KCNJ6: variants seen among roughly 807,000 people sequenced by gnomAD.
KCNJ6 encodes G protein-activated inward rectifier potassium channel 2.
A neutral mutation model predicts 34.2 loss-of-function variants in KCNJ6; 9 were observed. That is an observed-to-expected ratio of 0.26 (90% CI 0.16 to 0.46). The LOEUF (loss-of-function observed/expected upper bound fraction) is 0.46. Among genes scored for constraint, KCNJ6 ranks in the 20% least tolerant of loss-of-function variants. The pLI is 1.00. For missense variants in KCNJ6, 236 were observed against 531.3 expected (o/e 0.44, Z 5.46); for synonymous variants, 196 against 207.1 (o/e 0.95, Z 0.46).
intron 1 of KCNJ6, among the ~76,000 whole-genome samples, chr21:37,879,028 T>C (rs534584857): frequency 6.6e-6 from 1 of 152,188 alleles, no homozygotes; most frequent in African/African-American, 2.4e-5. Context: ...TCAGGGAGGT[T>C]TGTAAAGGAG....
intron 2 of KCNJ6, among the ~76,000 whole-genome samples, chr21:37,769,290 C>A (rs139681873): frequency 6.6e-6 from 1 of 152,150 alleles, no homozygotes; most frequent in African/African-American, 2.4e-5. Flanking sequence ...TGTATGCCAG[C>A]CTCTGAACAT....
At chr21:37,680,949 C>T (rs1038006519) in intron 3 of KCNJ6, among the ~76,000 whole-genome samples, 9 of 152,222 alleles carry the variant, frequency 5.9e-5, no homozygotes, top group African/African-American at 2.2e-4. Context: ...CCTCCTGGCG[C>T]TTCTTTAACC....
At chr21:37,825,012 T>G (rs1392557951) in intron 2 of KCNJ6, among the ~76,000 whole-genome samples, 1 of 152,166 alleles carries the variant, frequency 6.6e-6, no homozygotes, top group African/African-American at 2.4e-5. Context: ...CTGTTCTGTC[T>G]GCATGCCAAC....
rs545740781 is a variant in KCNJ6 at position 37,613,056 on chromosome 21, T to G, written c.*12103A>C. On this transcript the variant is annotated 3_prime_UTR_variant, in exon 4 of 4. Coordinates refer to ENST00000609713, the MANE Select transcript of KCNJ6 (RefSeq NM_002240.5). Reference sequence around the variant, plus strand: ...AGAAGACACATCTGATAAAGAATTATTATCTAAAATTTACAAAGAACTTTA... The same window carrying G: ...AGAAGACACATCTGATAAAGAATTAGTATCTAAAATTTACAAAGAACTTTA... The G allele has an allele frequency of 1.1e-4, 17 of 152,214 alleles. No individual in the cohort carries two copies. The highest frequency in any genetic ancestry group is 3.9e-4 in the African/African-American group (16 of 41,548). 9.4% of individuals were successfully genotyped at this position (152,214 alleles called of 1,614,324 possible).
In KCNJ6 at chr21:37,780,970, T is replaced by C. The variant is rs117603362; in HGVS notation, c.25+59688A>G. On this transcript the variant is annotated intron_variant, in intron 2 of 3. Transcript: ENST00000609713. Reference sequence around the variant, plus strand: ...GAAAGAAATAACAAACATGGCCTATTTGCCTCATGTTCCAACAAAGGGTCT... The same window carrying C: ...GAAAGAAATAACAAACATGGCCTATCTGCCTCATGTTCCAACAAAGGGTCT... 6.9e-3 allele frequency among the ~76,000 whole-genome samples: 1,047 copies of C among 152,336 alleles called. 6 individuals carry two copies. The highest frequency in any genetic ancestry group is 0.012 in the Non-Finnish European group (788 of 68,040).
intron 1 of KCNJ6, among the ~76,000 whole-genome samples, chr21:37,847,926 G>A (rs181056712): frequency 1.3e-5 from 2 of 152,208 alleles, no homozygotes; most frequent in Non-Finnish European, 2.9e-5. Flanking sequence ...TGGGAGAGGG[G>A]AGGGCAAGGA....
At chr21:37,805,761 G>A (rs1270264918) in intron 2 of KCNJ6, among the ~76,000 whole-genome samples, 2 of 152,206 alleles carry the variant, frequency 1.3e-5, no homozygotes, top group African/African-American at 2.4e-5. Flanking sequence ...GGATGATAAT[G>A]TGAAGACACA....
At chr21:37,856,282 G>T (rs750477763) in intron 1 of KCNJ6, among the ~76,000 whole-genome samples, 13 of 152,226 alleles carry the variant, frequency 8.5e-5, no homozygotes, top group Non-Finnish European at 1.5e-4. Flanking sequence ...GATGGGAGAA[G>T]AATTACTGTG....
chr21:37,693,091 C>T (rs2054647470), intron 3 of KCNJ6, among the ~76,000 whole-genome samples: 1 of 152,140 alleles, frequency 6.6e-6, no homozygotes, highest in Non-Finnish European at 1.5e-5. Flanking sequence ...GGAAACATCC[C>T]TCTATTTTGA....
chr21:37,867,675 A>T (rs1166031895), intron 1 of KCNJ6, among the ~76,000 whole-genome samples: 1 of 152,242 alleles, frequency 6.6e-6, no homozygotes, highest in African/African-American at 2.4e-5. Flanking sequence ...TACCTTGCAA[A>T]GAGTGATGTC....
intron 2 of KCNJ6, among the ~76,000 whole-genome samples, chr21:37,719,846 G>A (rs1228918950): frequency 2.0e-5 from 3 of 152,212 alleles, no homozygotes; most frequent in Non-Finnish European, 4.4e-5. Flanking sequence ...TGCATTTCAG[G>A]TACAGCTCTT....
intron 2 of KCNJ6, among the ~76,000 whole-genome samples, chr21:37,787,530 A>G (rs1476291777): frequency 6.6e-6 from 1 of 152,222 alleles, no homozygotes; most frequent in African/African-American, 2.4e-5. Context: ...ACAGTCTTCT[A>G]CATTCTAAGC....
chr21:37,888,519 G>C (rs952759990), intron 1 of KCNJ6, among the ~76,000 whole-genome samples: 5 of 152,180 alleles, frequency 3.3e-5, no homozygotes, highest in African/African-American at 1.2e-4. Flanking sequence ...TAAAGATTTG[G>C]AAAGAAGATA....
chr21:37,751,888 C>A (rs964330413), intron 2 of KCNJ6, among the ~76,000 whole-genome samples: 7 of 152,052 alleles, frequency 4.6e-5, no homozygotes, highest in Admixed American at 4.6e-4. Flanking sequence ...TATGATAATT[C>A]CTCAATGCAT....
At chr21:37,802,907 G>A (rs2055276013) in intron 2 of KCNJ6, among the ~76,000 whole-genome samples, 1 of 152,020 alleles carries the variant, frequency 6.6e-6, no homozygotes, top group Non-Finnish European at 1.5e-5. Context: ...AGCACTGCAG[G>A]TATAAATAAA....
At chr21:37,639,024 T>C (rs1054360589) in intron 3 of KCNJ6, among the ~76,000 whole-genome samples, 2 of 152,334 alleles carry the variant, frequency 1.3e-5, no homozygotes, top group South Asian at 4.1e-4. Flanking sequence ...GAAAATCCCA[T>C]GTCACCTTAT....
At chr21:37,632,963 A>G (rs968456736) in intron 3 of KCNJ6, among the ~76,000 whole-genome samples, 1 of 152,156 alleles carries the variant, frequency 6.6e-6, no homozygotes, top group Non-Finnish European at 1.5e-5. Context: ...AAATAGAAGA[A>G]TCATTTCCTA....
intron 2 of KCNJ6, among the ~76,000 whole-genome samples, chr21:37,752,138 C>A (rs549550669): frequency 5.8e-4 from 89 of 152,292 alleles, no homozygotes; most frequent in South Asian, 2.9e-3. Flanking sequence ...GTCGTTCACC[C>A]AGTGGGAGGT....
chr21:37,765,944 C>T (rs919256756), intron 2 of KCNJ6, among the ~76,000 whole-genome samples: 1 of 152,096 alleles, frequency 6.6e-6, no homozygotes, highest in Admixed American at 6.5e-5. Flanking sequence ...TACAAATATG[C>T]ATATTATGTA....
Sources: gnomAD v4.1 joint callset for allele counts (sites outside exome capture counted in the v4.1 genomes callset) on GRCh38, gnomAD v4.1.1 for gene constraint, MANE v1.5 for transcripts, NCBI Gene and HGNC (gene_info 2026-07-23, HGNC 2026-07-21) for gene names.